The following CFAP61 variants were observed in gnomAD, a reference collection of about 807,000 sequenced individuals.
CFAP61 encodes cilia and flagella associated protein 61, also known as cilia- and flagella-associated protein 61.
In CFAP61, 107 loss-of-function variants were observed where a neutral mutation model predicts 135.6. The observed-to-expected ratio is 0.79, with a 90% CI of 0.67 to 0.93. The LOEUF is 0.93. Among genes scored for constraint, CFAP61 ranks in the 40% least tolerant of loss-of-function variants. The pLI is 0.00. For synonymous variants in CFAP61, 575 were observed against 578.5 expected (o/e 0.99, Z 0.09); for missense variants, 1,507 against 1,556.2 (o/e 0.97, Z 0.53).
chr20:20,288,470 A>T lies in CFAP61; in HGVS notation c.2797-139A>T. 3 of 688,828 alleles carry T rather than the reference A, an allele frequency of 4.4e-6. No homozygotes were observed. The South Asian group carries it at 5.3e-5, about 12-fold the overall frequency. The allele number at this position is 688,828 out of a possible 1,614,324, so 42.7% of individuals were successfully genotyped here. On this transcript the variant is annotated intron_variant, in intron 22 of 26. Transcript: ENST00000245957. ...AAGGCAATCTATCTCTCATACGCAC[A>T]CAAACAACATGATAGCAAACTTTTA...
chr20:20,074,161 C>G (rs989808950), intron 3 of CFAP61, 141 bp from the exon 4 acceptor site: 5 of 688,688 alleles, frequency 7.3e-6, no homozygotes, highest in African/African-American at 7.0e-5. Context: ...CTGGGTGTTG[C>G]ATCACTTAGA....
chr20:20,135,828 A>G (rs1408635295), intron 8 of CFAP61, among the ~76,000 whole-genome samples: 2 of 152,150 alleles, frequency 1.3e-5, no homozygotes, highest in African/African-American at 2.4e-5. Context: ...ACTGTTACCA[A>G]TGAGTTTTGT....
intron 25 of CFAP61, among the ~76,000 whole-genome samples, chr20:20,305,099 G>A (rs1166911638): frequency 2.7e-5 from 4 of 150,258 alleles, no homozygotes; most frequent in Non-Finnish European, 5.9e-5. Context: ...CAGACAGCCC[G>A]GCCCTCGCGC....
chr20:20,128,891 A>T (rs978267554), intron 8 of CFAP61, among the ~76,000 whole-genome samples: 4 of 151,724 alleles, frequency 2.6e-5, no homozygotes, highest in African/African-American at 9.7e-5. Flanking sequence ...AAAAATCTAG[A>T]AAAAAGCTCT....
At chr20:20,261,953 T>C (rs1376844554) in intron 20 of CFAP61, among the ~76,000 whole-genome samples, 1 of 152,160 alleles carries the variant, frequency 6.6e-6, no homozygotes, top group African/African-American at 2.4e-5. Flanking sequence ...GAGAGAAAGA[T>C]GGAGGGGAAT....
intron 25 of CFAP61, among the ~76,000 whole-genome samples, chr20:20,304,633 C>T (rs762028170): frequency 6.6e-6 from 1 of 151,846 alleles, no homozygotes; most frequent in Non-Finnish European, 1.5e-5. Flanking sequence ...ACAGTGCCCC[C>T]GCCTGCCAAC....
Position 20,251,759 on chromosome 20 carries a change from A to G in CFAP61, c.2324A>G (p.Tyr775Cys). 6.2e-7 allele frequency: 1 copy of G among 1,613,468 alleles called. No individual in the cohort carries two copies. The highest frequency in any genetic ancestry group is 1.1e-5 in the South Asian group (1 of 91,068). The part of the protein sequence containing the change: ...DHLILCTGQQ[Y>C]QVPCPTEADI... ...CTCATCCTCTGCACCGGGCAGCAGT[A>G]CCAGGTAAGGCCGGGCACAGGGGGC... is the stretch of plus-strand genomic sequence containing the variant. The change falls in exon 20 of 27, where the codon TAC becomes TGC. Residue 775 changes from tyrosine to cysteine, a missense_variant. Coordinates refer to ENST00000245957, the MANE Select transcript of CFAP61 (RefSeq NM_015585.4).
chr20:20,229,943 C>A (rs953382360), intron 18 of CFAP61, among the ~76,000 whole-genome samples: 1 of 152,132 alleles, frequency 6.6e-6, no homozygotes, highest in South Asian at 2.1e-4. Flanking sequence ...GGGTCTCTTC[C>A]TCGAAAACTT....
At chr20:20,179,651 C>G (rs1057192872) in intron 13 of CFAP61, among the ~76,000 whole-genome samples, 1 of 152,066 alleles carries the variant, frequency 6.6e-6, no homozygotes, top group African/African-American at 2.4e-5. Context: ...GCTACAGTAA[C>G]CAAAACAGCA....
intron 13 of CFAP61, among the ~76,000 whole-genome samples, chr20:20,181,276 TACACACAC>T (rs74180984): frequency 6.9e-6 from 1 of 144,542 alleles, no homozygotes; most frequent in South Asian, 2.3e-4. Flanking sequence ...TGTGTATGTA[TACACACAC>T]ACACACACAC....
chr20:20,312,440 T>C (rs921302082), intron 25 of CFAP61, among the ~76,000 whole-genome samples: 3 of 152,090 alleles, frequency 2.0e-5, no homozygotes, highest in African/African-American at 7.2e-5. Context: ...CTTGAAGACA[T>C]AACAATTGAA....
chr20:20,180,126 A>G (rs1446339743), intron 13 of CFAP61, among the ~76,000 whole-genome samples: 3 of 152,234 alleles, frequency 2.0e-5, no homozygotes, highest in African/African-American at 7.2e-5. Flanking sequence ...TGCATCTGAC[A>G]AAGGTCTAAT....
intron 26 of CFAP61, 100 bp downstream of exon 26, chr20:20,342,021 T>C (rs2058460597): frequency 1.3e-6 from 1 of 760,008 alleles, no homozygotes; most frequent in Non-Finnish European, 2.1e-6. Context: ...CATTTTATGG[T>C]TTTACTTTTT....
chr20:20,256,090 G>A (rs534906023), intron 20 of CFAP61, among the ~76,000 whole-genome samples: 7 of 152,260 alleles, frequency 4.6e-5, no homozygotes, highest in African/African-American at 1.7e-4. Flanking sequence ...GCAAGGCACT[G>A]GGCATGTGAG....
chr20:20,329,896 G>T (rs1223441814), intron 25 of CFAP61, among the ~76,000 whole-genome samples: 1 of 152,244 alleles, frequency 6.6e-6, no homozygotes, highest in Non-Finnish European at 1.5e-5. Flanking sequence ...GCCTGCTCTA[G>T]TGCAGCCATC....
intron 9 of CFAP61, among the ~76,000 whole-genome samples, chr20:20,158,107 G>T (rs925438324): frequency 1.4e-5 from 2 of 148,000 alleles, no homozygotes; most frequent in African/African-American, 4.9e-5. Flanking sequence ...GGGGGGAGGG[G>T]GGAGGGATAG....
intron 25 of CFAP61, among the ~76,000 whole-genome samples, chr20:20,304,731 G>C (rs1215502427): frequency 6.6e-6 from 1 of 152,060 alleles, no homozygotes; most frequent in Non-Finnish European, 1.5e-5. Context: ...AGGACCTTCA[G>C]TGAGGGTGTG....
At chr20:20,134,387 G>A (rs2050764737) in intron 8 of CFAP61, among the ~76,000 whole-genome samples, 1 of 152,200 alleles carries the variant, frequency 6.6e-6, no homozygotes, top group Non-Finnish European at 1.5e-5. Flanking sequence ...TGAGGGAGTG[G>A]CAGGAGACAA....
chr20:20,275,871 G>T (rs532978647), intron 21 of CFAP61, among the ~76,000 whole-genome samples: 1 of 152,272 alleles, frequency 6.6e-6, no homozygotes, highest in African/African-American at 2.4e-5. Context: ...GCAAAATGTT[G>T]CCTCTTTCAG....
Sources: gnomAD v4.1 joint callset for allele counts (sites outside exome capture counted in the v4.1 genomes callset) on GRCh38, gnomAD v4.1.1 for gene constraint, MANE v1.5 for transcripts, NCBI Gene and HGNC (gene_info 2026-07-23, HGNC 2026-07-21) for gene names.